LRRC38: variants seen among roughly 807,000 people sequenced by gnomAD.
The protein encoded by LRRC38 is leucine rich repeat containing 38, also known as leucine-rich repeat-containing protein 38.
LRRC38 carries 5 observed loss-of-function variants against 16.4 expected under a neutral mutation model. The observed-to-expected ratio is 0.31, with a 90% CI of 0.16 to 0.64. LRRC38 has a LOEUF of 0.64. Ranked by LOEUF, LRRC38 falls within the 30% of genes least tolerant of loss-of-function variation. The probability of loss-of-function intolerance (pLI) is 0.80; values close to 1 mark genes in which losing one functional copy is unlikely to be tolerated. For synonymous variants in LRRC38, 191 were observed against 190.2 expected (o/e 1.00, Z -0.04); for missense variants, 341 against 401.8 (o/e 0.85, Z 1.29).
At chr1:13,501,177 G>A (rs1035696395) in intron 1 of LRRC38, among the ~76,000 whole-genome samples, 2 of 151,734 alleles carry the variant, frequency 1.3e-5, no homozygotes, top group African/African-American at 2.4e-5. Context: ...ATATATATTA[G>A]TATATACTAA....
intron 1 of LRRC38, among the ~76,000 whole-genome samples, chr1:13,489,702 A>C (rs1171432360): frequency 6.6e-6 from 1 of 152,180 alleles, no homozygotes; most frequent in Admixed American, 6.5e-5. Flanking sequence ...TCCTGGGGAC[A>C]GGGGTGCCAG....
At chr1:13,476,407 C>T (rs1638790380) in intron 1 of LRRC38, among the ~76,000 whole-genome samples, 1 of 152,152 alleles carries the variant, frequency 6.6e-6, no homozygotes, top group African/African-American at 2.4e-5. Context: ...CGGCTCACTG[C>T]AGCCTCTACC....
chr1:13,498,002 G>A (rs1487416017), intron 1 of LRRC38, among the ~76,000 whole-genome samples: 1 of 143,048 alleles, frequency 7.0e-6, no homozygotes, highest in Non-Finnish European at 1.5e-5. Context: ...TTTTGGATAT[G>A]CTGGATTAAA....
intron 1 of LRRC38, among the ~76,000 whole-genome samples, chr1:13,507,055 A>T (rs1639221790): frequency 6.6e-6 from 1 of 152,246 alleles, no homozygotes; most frequent in Non-Finnish European, 1.5e-5. Flanking sequence ...TGGTAGAGTA[A>T]CTGGATGAGT....
intron 1 of LRRC38, among the ~76,000 whole-genome samples, chr1:13,505,623 G>A (rs1421651261): frequency 6.6e-6 from 1 of 152,190 alleles, no homozygotes; most frequent in African/African-American, 2.4e-5. Context: ...TTTCTAGTGG[G>A]ACAAAATGTA....
At chr1:13,488,030 G>A (rs1193501274) in intron 1 of LRRC38, among the ~76,000 whole-genome samples, 1 of 123,024 alleles carries the variant, frequency 8.1e-6, no homozygotes, top group Non-Finnish European at 1.8e-5. Context: ...GATTGTGTGT[G>A]TTTGTGTGTG....
rs368349482 is a variant in LRRC38 at position 13,492,633 on chromosome 1, T to C, written c.632-16534A>G. On this transcript the variant is annotated intron_variant, in intron 1 of 1. Transcript: ENST00000376085. ...ACAAGAATCACTTGAATCTGGGAGA[T>C]GGAGGTTACAGTGAGCTGAGATCGC... 1.6e-4 allele frequency among the ~76,000 whole-genome samples: 24 copies of C among 151,996 alleles called. No homozygotes were observed. The South Asian group carries it at 5.0e-3, about 32-fold the overall frequency.
At chr1:13,507,071 AT>A (rs745740131) in intron 1 of LRRC38, among the ~76,000 whole-genome samples, 4 of 152,204 alleles carry the variant, frequency 2.6e-5, no homozygotes, top group Non-Finnish European at 5.9e-5. Flanking sequence ...TGAGTTGAAC[AT>A]TTTTAGAAAG....
At position 13,484,275 on chromosome 1, in the gene LRRC38, C is replaced by T. The variant is rs367723679; in HGVS notation, c.632-8176G>A. ...ATTCAAAGCAGCCGCTCTCCCCACC[C>T]CATCATCCTCCATCTCCCCCTTCCC... On this transcript the variant is annotated intron_variant, in intron 1 of 1. Transcript: ENST00000376085. Among the ~76,000 whole-genome samples the T allele has an allele frequency of 2.2e-4, 34 of 152,230 alleles. No individual in the cohort carries two copies. In the East Asian group the frequency reaches 2.3e-3, roughly 10 times the overall value.
intron 1 of LRRC38, among the ~76,000 whole-genome samples, chr1:13,493,595 G>A (rs374463252): frequency 8.5e-5 from 13 of 152,292 alleles, no homozygotes; most frequent in African/African-American, 2.6e-4. Flanking sequence ...TGGATTTGCA[G>A]GCAGTCCTGA....
chr1:13,488,245 T>C (rs1172972593), intron 1 of LRRC38, among the ~76,000 whole-genome samples: 1 of 151,076 alleles, frequency 6.6e-6, no homozygotes, highest in Non-Finnish European at 1.5e-5. Flanking sequence ...GAACTAATGC[T>C]GCTATGAACA....
intron 1 of LRRC38, among the ~76,000 whole-genome samples, chr1:13,497,933 C>T (rs1180731860): frequency 7.8e-6 from 1 of 128,992 alleles, no homozygotes; most frequent in Non-Finnish European, 1.5e-5. Context: ...GCACTTCAGC[C>T]TGGGCAACAA....
chr1:13,489,960 G>A (rs529047313), intron 1 of LRRC38, among the ~76,000 whole-genome samples: 4 of 152,238 alleles, frequency 2.6e-5, no homozygotes, highest in African/African-American at 7.2e-5. Flanking sequence ...GGGCAGTGCA[G>A]TAAAAGGGAC....
chr1:13,491,595 G>A (rs1245001230), intron 1 of LRRC38, among the ~76,000 whole-genome samples: 1 of 152,170 alleles, frequency 6.6e-6, no homozygotes, highest in Non-Finnish European at 1.5e-5. Flanking sequence ...ACAATGTGAA[G>A]GTAGCTTCAT....
At chr1:13,491,483 C>T (rs984017623) in intron 1 of LRRC38, among the ~76,000 whole-genome samples, 1 of 152,068 alleles carries the variant, frequency 6.6e-6, no homozygotes, top group Non-Finnish European at 1.5e-5. Context: ...TGTGTGACCC[C>T]ACTCCTGGCT....
intron 1 of LRRC38, among the ~76,000 whole-genome samples, chr1:13,482,095 C>T (rs1638876618): frequency 6.6e-6 from 1 of 151,928 alleles, no homozygotes; most frequent in Non-Finnish European, 1.5e-5. Context: ...ATGCATTAAG[C>T]AAAACAGGTG....
intron 1 of LRRC38, among the ~76,000 whole-genome samples, chr1:13,499,341 C>T (rs1330393657): frequency 6.6e-6 from 1 of 152,142 alleles, no homozygotes; most frequent in East Asian, 1.9e-4. Context: ...TCAAGTGATC[C>T]ACCCGCCCCG....
chr1:13,483,075 A>T (rs1202917658), intron 1 of LRRC38, among the ~76,000 whole-genome samples: 1 of 152,046 alleles, frequency 6.6e-6, no homozygotes, highest in African/African-American at 2.4e-5. Context: ...CACGAGACCT[A>T]GGGCTGCACC....
chr1:13,476,481 G>A (rs946563076), intron 1 of LRRC38, among the ~76,000 whole-genome samples: 5 of 151,978 alleles, frequency 3.3e-5, no homozygotes, highest in Admixed American at 1.3e-4. Flanking sequence ...GGTGTGCACC[G>A]CCACACCTGA....
Sources: allele counts gnomAD v4.1 joint callset (sites outside exome capture counted in the v4.1 genomes callset), GRCh38; gene constraint gnomAD v4.1.1; transcripts MANE v1.5; gene names NCBI Gene and HGNC (gene_info 2026-07-23, HGNC 2026-07-21).